TTC33: variants seen among roughly 807,000 people sequenced by gnomAD.
TTC33 encodes tetratricopeptide repeat protein 33.
In TTC33, 24 loss-of-function variants were observed where a neutral mutation model predicts 29.4. That is an observed-to-expected ratio of 0.82 (90% confidence interval 0.59 to 1.15). The LOEUF is 1.15. Among genes scored for constraint, TTC33 ranks in the 50% most tolerant of loss-of-function variants. The pLI is 0.00. For synonymous variants in TTC33, 107 were observed against 100.3 expected (o/e 1.07, Z -0.40); for missense variants, 286 against 310.4 (o/e 0.92, Z 0.59).
intron 1 of TTC33, among the ~76,000 whole-genome samples, chr5:40,751,850 G>C (rs540617461): frequency 1.3e-5 from 2 of 151,964 alleles, no homozygotes; most frequent in Non-Finnish European, 2.9e-5. Flanking sequence ...CCAGCTGCTC[G>C]GGAGGCTGAG....
At chr5:40,735,600 A>C (rs1387885597) in intron 2 of TTC33, among the ~76,000 whole-genome samples, 1 of 152,218 alleles carries the variant, frequency 6.6e-6, no homozygotes, top group Non-Finnish European at 1.5e-5. Flanking sequence ...AAAGAAGAAT[A>C]AATACAAGGT....
rs966306551 is a variant in TTC33, at chr5:40,755,923, C to T, written c.-101G>A. 3.9e-5 allele frequency: 6 copies of T among 152,412 alleles called. No homozygotes were observed. Among genetic ancestry groups the T allele is most frequent in the African/African-American group, 1.4e-4 (6 of 41,470 alleles). 9.4% of individuals were successfully genotyped at this position (152,412 alleles called of 1,614,324 possible). A position where few individuals can be genotyped will look rare whatever the true frequency, so the allele number is the denominator to read the frequency against. Reference sequence around the variant, plus strand: ...GCGGGCAAAGGAAAGACGACTCAGTCTTTCCCCTCCGCCAATCTCTTCTCC... The same window carrying T: ...GCGGGCAAAGGAAAGACGACTCAGTTTTTCCCCTCCGCCAATCTCTTCTCC... On this transcript the variant is annotated 5_prime_UTR_variant, in exon 1 of 5. Coordinates refer to ENST00000337702, the MANE Select transcript of TTC33 (RefSeq NM_012382.3).
intron 2 of TTC33, among the ~76,000 whole-genome samples, chr5:40,743,372 GCA>G (rs1742733428): frequency 6.6e-6 from 1 of 152,178 alleles, no homozygotes; most frequent in Non-Finnish European, 1.5e-5. Flanking sequence ...GTGAAAATAA[GCA>G]CAGTTTAAGA....
intron 4 of TTC33, among the ~76,000 whole-genome samples, chr5:40,727,599 G>A (rs1284038792): frequency 1.3e-5 from 2 of 152,100 alleles, no homozygotes; most frequent in African/African-American, 2.4e-5. Context: ...CAGTCTAAAT[G>A]TTCATCACCA....
Position 40,715,931 on chromosome 5 carries a change from G to A in TTC33, c.*214C>T, listed in dbSNP as rs1204519865. 1 of 434,642 alleles carries A rather than the reference G, an allele frequency of 2.3e-6. No homozygotes were observed. Among genetic ancestry groups the A allele is most frequent in the Admixed American group, 4.0e-5 (1 of 25,092 alleles). 26.9% of individuals were successfully genotyped at this position (434,642 alleles called of 1,614,324 possible). ...TATTAATCAAAGACCATTTTACTCA[G>A]AATTTTAACCTTGAGAAATATAAAT... On this transcript the variant is annotated 3_prime_UTR_variant, in exon 5 of 5. Transcript: ENST00000337702.
chr5:40,743,682 G>A (rs1160367220), intron 2 of TTC33, among the ~76,000 whole-genome samples: 1 of 152,074 alleles, frequency 6.6e-6, no homozygotes, highest in Admixed American at 6.6e-5. Flanking sequence ...CTGAGGCAGG[G>A]AGGATTGCTT....
At position 40,728,444 on chromosome 5, in the gene TTC33, T is replaced by G; in HGVS notation, c.336A>C (p.Ala112=). The G allele has an allele frequency of 3.1e-6, 5 of 1,612,506 alleles. No homozygotes were observed. Among genetic ancestry groups the G allele is most frequent in the Non-Finnish European group, 3.4e-6 (4 of 1,179,572 alleles). ...VLMSLHEMFP[A]VHAAEMAVQQ... ...GGACGGCCATTTCTGCTGCATGTAC[T>G]GCTGGGAACATTTCATGAAGAGACA... The change falls in exon 4 of 5, where the codon GCA becomes GCC. Residue 112 remains alanine, a synonymous_variant. Transcript: ENST00000337702.
chr5:40,734,465 T>C (rs1409914510), intron 2 of TTC33, among the ~76,000 whole-genome samples: 1 of 152,082 alleles, frequency 6.6e-6, no homozygotes, highest in African/African-American at 2.4e-5. Flanking sequence ...GCAACTGAAG[T>C]AGCACAAGGA....
At position 40,715,982 on chromosome 5, in the gene TTC33, A is replaced by G. The variant is rs1282253403; in HGVS notation, c.*163T>C. The G allele has an allele frequency of 1.8e-6, 1 of 543,808 alleles. No homozygotes were observed. The highest frequency in any genetic ancestry group is 3.2e-6 in the Non-Finnish European group (1 of 315,530). 33.7% of individuals were successfully genotyped at this position (543,808 alleles called of 1,614,324 possible). On this transcript the variant is annotated 3_prime_UTR_variant, in exon 5 of 5. Coordinates refer to ENST00000337702, the MANE Select transcript of TTC33 (RefSeq NM_012382.3). ...CATAACTTATCAAAGCATATTCCAAACACTATACAATAATCCTGCCATTTT... is the reference window on the plus strand; with the variant it reads ...CATAACTTATCAAAGCATATTCCAAGCACTATACAATAATCCTGCCATTTT...
In TTC33 at chr5:40,732,029, T is replaced by A. The variant is rs115307373; in HGVS notation, c.222-1686A>T. Among the ~76,000 whole-genome samples, 682 of 152,370 alleles carry A rather than the reference T, an allele frequency of 4.5e-3. 6 individuals carry two copies. Among genetic ancestry groups the A allele is most frequent in the African/African-American group, 0.016 (652 of 41,592 alleles). ...ATAAATTTGGTGTTATTTGCTTTTT[T>A]AAAAATTATTTTGAGAGACAGAGTC... On this transcript the variant is annotated intron_variant, in intron 2 of 4. Coordinates refer to ENST00000337702, the MANE Select transcript of TTC33 (RefSeq NM_012382.3).
intron 2 of TTC33, among the ~76,000 whole-genome samples, chr5:40,739,589 C>T (rs1347387965): frequency 1.3e-5 from 2 of 152,154 alleles, no homozygotes; most frequent in Admixed American, 6.5e-5. Flanking sequence ...CTCTCTTCCT[C>T]CTGCTCCAGC....
chr5:40,738,952 A>G (rs1468694524), intron 2 of TTC33, among the ~76,000 whole-genome samples: 1 of 152,188 alleles, frequency 6.6e-6, no homozygotes, highest in Non-Finnish European at 1.5e-5. Flanking sequence ...AACAAGTCCT[A>G]CGTCAGATAT....
chr5:40,752,105 C>T (rs982022357), intron 1 of TTC33, among the ~76,000 whole-genome samples: 4 of 152,156 alleles, frequency 2.6e-5, no homozygotes, highest in African/African-American at 4.8e-5. Context: ...ACCTCACAAA[C>T]GAACCTCTAG....
intron 2 of TTC33, among the ~76,000 whole-genome samples, chr5:40,743,651 T>C (rs551116644): frequency 2.3e-4 from 35 of 152,018 alleles, no homozygotes; most frequent in African/African-American, 8.4e-4. Context: ...CACACACTTG[T>C]AATCCCAGCT....
At chr5:40,750,696 C>T (rs916671562) in intron 1 of TTC33, among the ~76,000 whole-genome samples, 3 of 152,156 alleles carry the variant, frequency 2.0e-5, no homozygotes, top group South Asian at 4.1e-4. Context: ...AAATTAGAGT[C>T]GATACTGTCA....
intron 2 of TTC33, among the ~76,000 whole-genome samples, chr5:40,739,007 T>C (rs539814554): frequency 6.6e-6 from 1 of 152,320 alleles, no homozygotes; most frequent in East Asian, 1.9e-4. Flanking sequence ...TGACTTTTCA[T>C]GTTCTCAATT....
chr5:40,751,992 A>G (rs1161637827), intron 1 of TTC33, among the ~76,000 whole-genome samples: 1 of 151,712 alleles, frequency 6.6e-6, no homozygotes, highest in Non-Finnish European at 1.5e-5. Context: ...AATCTCATTT[A>G]GTGTAGCCAA....
At chr5:40,755,527 A>AG in intron 1 of TTC33, among the ~76,000 whole-genome samples, 1 of 152,226 alleles carries the variant, frequency 6.6e-6, no homozygotes, top group East Asian at 1.9e-4. Context: ...CCCACCGCTC[A>AG]GGGAAGGTTG....
intron 4 of TTC33, among the ~76,000 whole-genome samples, chr5:40,724,956 T>C (rs950150327): frequency 1.3e-5 from 2 of 150,938 alleles, no homozygotes; most frequent in Non-Finnish European, 3.0e-5. Flanking sequence ...AGGTTCAAGA[T>C]ATTCTCCTGC....
Sources: allele counts gnomAD v4.1 joint callset (sites outside exome capture counted in the v4.1 genomes callset), GRCh38; gene constraint gnomAD v4.1.1; transcripts MANE v1.5; gene names NCBI Gene and HGNC (gene_info 2026-07-23, HGNC 2026-07-21).